MAD1L1: variants seen among roughly 807,000 people sequenced by gnomAD.
MAD1L1 encodes mitotic arrest deficient 1 like 1.
Under a neutral mutation model 96.9 loss-of-function variants are expected in MAD1L1, and 95 were observed. That is an observed-to-expected ratio of 0.98 (90% CI 0.83 to 1.16). The LOEUF is 1.16. Among genes scored for constraint, MAD1L1 ranks in the 50% most tolerant of loss-of-function variants. The pLI is 0.00. For synonymous variants in MAD1L1, 473 were observed against 396.6 expected (o/e 1.19, Z -2.29); for missense variants, 1,007 against 954.4 (o/e 1.06, Z -0.73).
At chr7:1,905,918 C>T (rs183831213) in intron 17 of MAD1L1, among the ~76,000 whole-genome samples, 12 of 152,122 alleles carry the variant, frequency 7.9e-5, no homozygotes, top group East Asian at 1.9e-4. Flanking sequence ...GACGTGGTGG[C>T]GCACATCTGT....
At chr7:1,881,707 C>T (rs1034734721) in intron 18 of MAD1L1, among the ~76,000 whole-genome samples, 2 of 152,168 alleles carry the variant, frequency 1.3e-5, no homozygotes, top group East Asian at 1.9e-4. Context: ...GGAAACAAAA[C>T]GATCTGTCAC....
chr7:1,915,045 A>G (rs985358461), intron 17 of MAD1L1, among the ~76,000 whole-genome samples: 9 of 152,170 alleles, frequency 5.9e-5, no homozygotes, highest in African/African-American at 2.2e-4. Flanking sequence ...ACAGAGCAGC[A>G]GGAACTGGGG....
intron 18 of MAD1L1, chr7:1,838,637 G>A (rs1417330831): frequency 1.5e-5 from 6 of 412,424 alleles, no homozygotes; most frequent in African/African-American, 1.2e-4. Flanking sequence ...GGAGTCTAGA[G>A]ACAACACAGA....
intron 14 of MAD1L1, among the ~76,000 whole-genome samples, chr7:1,982,516 CTTCT>C (rs574419420): frequency 2.4e-4 from 36 of 152,300 alleles, no homozygotes; most frequent in African/African-American, 7.5e-4. Context: ...GCCTTTTCTT[CTTCT>C]TTCTAACTTA....
At chr7:1,963,190 A>G (rs1345562546) in intron 15 of MAD1L1, among the ~76,000 whole-genome samples, 3 of 152,192 alleles carry the variant, frequency 2.0e-5, no homozygotes, top group Non-Finnish European at 4.4e-5. Flanking sequence ...AAAACTCCAA[A>G]TGTCCATCGC....
Position 1,938,553 on chromosome 7 carries a change from AGTCAGAAATAACCAAGGGCAT to A in MAD1L1, c.1597-1677_1597-1657del, listed in dbSNP as rs1186454754. Among the ~76,000 whole-genome samples the A allele has an allele frequency of 6.4e-4, 97 of 152,146 alleles. 1 individual carries two copies. The South Asian group carries it at 7.9e-3, about 12-fold the overall frequency. ...GGTTCAGATCCAGAACATACGAAGAAGTCAGAAATAACCAAGGGCATGTCAGAAATAACCAAGGGCATGTCA... is the reference window on the plus strand; with the variant it reads ...GGTTCAGATCCAGAACATACGAAGAAGTCAGAAATAACCAAGGGCATGTCA... On this transcript the variant is annotated intron_variant, in intron 16 of 18. Transcript: ENST00000265854.
chr7:1,879,904 G>C (rs1370228581), intron 18 of MAD1L1, among the ~76,000 whole-genome samples: 1 of 152,094 alleles, frequency 6.6e-6, no homozygotes, highest in Non-Finnish European at 1.5e-5. Context: ...CTAATTTTTC[G>C]TATTTTTAGC....
chr7:1,863,375 C>G (rs558567856), intron 18 of MAD1L1, among the ~76,000 whole-genome samples: 1 of 152,240 alleles, frequency 6.6e-6, no homozygotes, highest in Non-Finnish European at 1.5e-5. Context: ...CCGGCAGGCC[C>G]GGGGCCAGCG....
chr7:2,088,621 C>A lies in MAD1L1; in HGVS notation c.1074-19283G>T, dbSNP rs1163281394. On this transcript the variant is annotated intron_variant, in intron 11 of 18. Transcript: ENST00000265854. The surrounding 1 kb of genome is among the most constrained non-coding windows in gnomAD (Gnocchi z 4.4). ...GGGCACTCCCAGCACTCAGCAGTGG[C>A]CATGAGCGAGAGGCAGCAAGGGGAC... is the stretch of plus-strand genomic sequence containing the variant. Among the ~76,000 whole-genome samples the A allele has an allele frequency of 6.6e-6, 1 of 152,238 alleles. No individual in the cohort carries two copies. Among genetic ancestry groups the A allele is most frequent in the Non-Finnish European group, 1.5e-5 (1 of 68,048 alleles).
At chr7:2,082,666 T>G (rs1785712751) in intron 11 of MAD1L1, among the ~76,000 whole-genome samples, 2 of 152,248 alleles carry the variant, frequency 1.3e-5, no homozygotes, top group Admixed American at 1.3e-4. Context: ...TGCATCAAAT[T>G]AGACAAATAG....
At position 1,968,505 on chromosome 7, in the gene MAD1L1, G is replaced by A. The variant is rs1780270181; in HGVS notation, c.1506-10786C>T. Among the ~76,000 whole-genome samples, 1 of 150,754 alleles carries A rather than the reference G, an allele frequency of 6.6e-6. No homozygotes were observed. Among genetic ancestry groups the A allele is most frequent in the Non-Finnish European group, 1.5e-5 (1 of 67,754 alleles). On this transcript the variant is annotated intron_variant, in intron 15 of 18. Transcript: ENST00000265854. This position sits in a 1 kb window ranked among gnomAD's most constrained non-coding sequence, Gnocchi z 5.6. Reference sequence around the variant, plus strand: ...GGTCAGGTCCACTGTCCATGCCTCAGTCCGGCGGTCAGGTCCACCGTCAAT... The same window carrying A: ...GGTCAGGTCCACTGTCCATGCCTCAATCCGGCGGTCAGGTCCACCGTCAAT...
At chr7:1,820,886 C>G (rs561284609) in intron 18 of MAD1L1, among the ~76,000 whole-genome samples, 28 of 152,166 alleles carry the variant, frequency 1.8e-4, no homozygotes, top group African/African-American at 6.0e-4. Flanking sequence ...TCAAGACCAT[C>G]CTGGCTAACA....
intron 11 of MAD1L1, among the ~76,000 whole-genome samples, chr7:2,078,012 C>T (rs537368675): frequency 6.6e-6 from 1 of 152,230 alleles, no homozygotes; most frequent in African/African-American, 2.4e-5. Context: ...CAACACTGAG[C>T]ATGTTCAGGC....
intron 11 of MAD1L1, among the ~76,000 whole-genome samples, chr7:2,096,354 C>G (rs1056000165): frequency 6.6e-6 from 1 of 152,208 alleles, no homozygotes; most frequent in African/African-American, 2.4e-5. Flanking sequence ...CTGCACACAT[C>G]TGGGGGTGGC....
intron 10 of MAD1L1, among the ~76,000 whole-genome samples, chr7:2,190,251 T>A (rs1012764029): frequency 1.3e-5 from 2 of 152,056 alleles, no homozygotes; most frequent in African/African-American, 2.4e-5. Flanking sequence ...GGCCCATGAA[T>A]GTATGGCTGA....
At chr7:1,928,772 C>A (rs943405483) in intron 17 of MAD1L1, among the ~76,000 whole-genome samples, 5 of 152,176 alleles carry the variant, frequency 3.3e-5, no homozygotes, top group African/African-American at 9.6e-5. Context: ...TAAACACAGG[C>A]CTGTGCCACG....
At chr7:1,866,392 G>A (rs1158529003) in intron 18 of MAD1L1, among the ~76,000 whole-genome samples, 1 of 152,200 alleles carries the variant, frequency 6.6e-6, no homozygotes, top group Non-Finnish European at 1.5e-5. Flanking sequence ...AACTGGTTCT[G>A]TAAAGCTCCC....
chr7:2,157,991 A>C (rs1240452939), intron 10 of MAD1L1, among the ~76,000 whole-genome samples: 1 of 152,230 alleles, frequency 6.6e-6, no homozygotes, highest in Non-Finnish European at 1.5e-5. Context: ...AGTGGAAGGC[A>C]TTCAGAGGCC....
chr7:1,914,761 G>A (rs973871629), intron 17 of MAD1L1, among the ~76,000 whole-genome samples: 15 of 149,464 alleles, frequency 1.0e-4, no homozygotes, highest in African/African-American at 1.7e-4. Flanking sequence ...TTACAGGCAG[G>A]TGCTACCACA....
Sources: gnomAD v4.1 joint callset for allele counts (sites outside exome capture counted in the v4.1 genomes callset) on GRCh38, gnomAD v4.1.1 for gene constraint, Gnocchi (gnomAD v3.1) non-coding constraint, MANE v1.5 for transcripts, NCBI Gene and HGNC (gene_info 2026-07-23, HGNC 2026-07-21) for gene names.